The following FUBP3 variants were observed in gnomAD, a reference collection of about 807,000 sequenced individuals.
FUBP3 encodes the protein far upstream element binding protein 3.
FUBP3 carries 28 observed loss-of-function variants against 85.6 expected under a neutral mutation model. That is an observed-to-expected ratio of 0.33 (90% CI 0.24 to 0.45). The LOEUF (loss-of-function observed/expected upper bound fraction) is 0.45. FUBP3 is among the 20% of genes least tolerant of loss of function. FUBP3 has a pLI of 1.00. For synonymous variants in FUBP3, 271 were observed against 271.4 expected, an observed-to-expected ratio of 1.00 and a Z score of 0.01; for missense variants, 583 against 755.1, an observed-to-expected ratio of 0.77 and a Z score of 2.67.
In FUBP3 at chr9:130,593,153, C is replaced by T. The variant is rs548087657; in HGVS notation, c.85-2330C>T. Among the ~76,000 whole-genome samples the T allele has an allele frequency of 9.1e-4, 139 of 152,314 alleles. 2 individuals carry two copies. Among genetic ancestry groups the T allele is most frequent in the Middle Eastern group, 6.8e-3 (2 of 294 alleles). Reference sequence around the variant, plus strand: ...CACGTAGGACTCAGATGTCACTCCTCACAATGGCCTGCCCATTCACCCCAT... The same window carrying T: ...CACGTAGGACTCAGATGTCACTCCTTACAATGGCCTGCCCATTCACCCCAT... On this transcript the variant is annotated intron_variant, in intron 1 of 18. Coordinates refer to ENST00000319725, the MANE Select transcript of FUBP3 (RefSeq NM_003934.2).
At chr9:130,614,790 C>A (rs118058291) in intron 6 of FUBP3, among the ~76,000 whole-genome samples, 1 of 152,170 alleles carries the variant, frequency 6.6e-6, no homozygotes, top group Non-Finnish European at 1.5e-5. Flanking sequence ...ATCAACTCTT[C>A]GTGACTTTGC....
At chr9:130,618,375 G>T (rs1400605345) in intron 8 of FUBP3, among the ~76,000 whole-genome samples, 1 of 152,208 alleles carries the variant, frequency 6.6e-6, no homozygotes, top group Non-Finnish European at 1.5e-5. Context: ...GGCTTATTTT[G>T]CAAGCCCTTC....
chr9:130,604,304 G>A (rs1831311462), intron 2 of FUBP3, among the ~76,000 whole-genome samples: 1 of 152,192 alleles, frequency 6.6e-6, no homozygotes, highest in Admixed American at 6.5e-5. Context: ...AAGGAAACCA[G>A]TGTCTCTGAA....
chr9:130,636,453 C>T (rs200963435), intron 18 of FUBP3, among the ~76,000 whole-genome samples: 1 of 152,258 alleles, frequency 6.6e-6, no homozygotes, highest in Non-Finnish European at 1.5e-5. Flanking sequence ...GTTTCCCTAA[C>T]CGTAAAGGAG....
intron 1 of FUBP3, among the ~76,000 whole-genome samples, chr9:130,587,871 G>A (rs1830422540): frequency 6.6e-6 from 1 of 152,176 alleles, no homozygotes; most frequent in Non-Finnish European, 1.5e-5. Context: ...CTATTTAGAT[G>A]TAGTTTGTAA....
At position 130,612,386 on chromosome 9, in the gene FUBP3, G is replaced by C. The variant is rs1775271451; in HGVS notation, c.225-70G>C. 2.1e-6 allele frequency: 2 copies of C among 952,104 alleles called. No homozygotes were observed. Among genetic ancestry groups the C allele is most frequent in the Non-Finnish European group, 3.4e-6 (2 of 592,766 alleles). 59.0% of individuals were successfully genotyped at this position (952,104 alleles called of 1,614,324 possible). On this transcript the variant is annotated intron_variant, in intron 3 of 18. Transcript: ENST00000319725. This position sits in a 1 kb window ranked among gnomAD's most constrained non-coding sequence, Gnocchi z 4.1. ...TCATGCAACATTGCCAGTATGGGCAGTTTGGGGACCTAAAATGGCTGCAAA... is the reference window on the plus strand; with the variant it reads ...TCATGCAACATTGCCAGTATGGGCACTTTGGGGACCTAAAATGGCTGCAAA...
intron 1 of FUBP3, among the ~76,000 whole-genome samples, chr9:130,580,035 C>G (rs1269780707): frequency 6.6e-6 from 1 of 152,200 alleles, no homozygotes; most frequent in Non-Finnish European, 1.5e-5. Context: ...CGTGCCCCAG[C>G]GGCCAGCCTG....
At position 130,607,064 on chromosome 9, in the gene FUBP3, C is replaced by T. The variant is rs543935174; in HGVS notation, c.191-2890C>T. On this transcript the variant is annotated intron_variant, in intron 2 of 18. Coordinates refer to ENST00000319725, the MANE Select transcript of FUBP3 (RefSeq NM_003934.2). ...CAGCTCCCTGCAACTTCCACCTCCC[C>T]GGTTCATTGTGCATCAGCCTCCCGA... is the stretch of plus-strand genomic sequence containing the variant. Among the ~76,000 whole-genome samples, 141 of 152,160 alleles carry T rather than the reference C, an allele frequency of 9.3e-4. 2 individuals carry two copies. The highest frequency in any genetic ancestry group is 6.8e-3 in the Middle Eastern group (2 of 294).
chr9:130,581,212 A>G (rs1233251671), intron 1 of FUBP3: 1 of 152,250 alleles, frequency 6.6e-6, no homozygotes, highest in East Asian at 1.9e-4. Context: ...ATTTTGAACC[A>G]TTGAGAAGAC....
In FUBP3 at chr9:130,631,648, G is replaced by C. The variant is rs367814641; in HGVS notation, c.1352+18G>C. The C allele has an allele frequency of 6.3e-7, 1 of 1,589,702 alleles. No homozygotes were observed. The highest frequency in any genetic ancestry group is 1.1e-5 in the South Asian group (1 of 90,506). The stretch of plus-strand genomic sequence containing the variant: ...CATCAAAAGTGAGTCTTTTGCATCA[G>C]TCTTGCCTGGGAGAATTCACTCGCT... On this transcript the variant is annotated intron_variant, in intron 14 of 18. Transcript: ENST00000319725.
intron 11 of FUBP3, 86 bp from the exon 12 acceptor site, chr9:130,626,278 T>C (rs970353537): frequency 5.7e-6 from 8 of 1,407,712 alleles, no homozygotes; most frequent in Non-Finnish European, 7.7e-6. Flanking sequence ...GATTACATCC[T>C]GTCACTTAAC....
chr9:130,602,048 C>T (rs1482241966), intron 2 of FUBP3, among the ~76,000 whole-genome samples: 1 of 152,166 alleles, frequency 6.6e-6, no homozygotes, highest in East Asian at 1.9e-4. Context: ...GATCCACCTG[C>T]CTCGGCCTCC....
At chr9:130,623,820 C>G in intron 11 of FUBP3, 109 bp downstream of exon 11, 1 of 585,240 alleles carries the variant, frequency 1.7e-6, no homozygotes, top group South Asian at 2.3e-5. Flanking sequence ...CGTCTCAAGT[C>G]ACATTATGGG....
intron 7 of FUBP3, among the ~76,000 whole-genome samples, chr9:130,617,082 A>G (rs1434655472): frequency 2.0e-5 from 3 of 152,208 alleles, no homozygotes; most frequent in Non-Finnish European, 4.4e-5. Context: ...TCTCGGGACC[A>G]AACGGGTTTC....
intron 1 of FUBP3, among the ~76,000 whole-genome samples, chr9:130,594,302 G>T: frequency 6.6e-6 from 1 of 151,622 alleles, no homozygotes; most frequent in Non-Finnish European, 1.5e-5. Context: ...AAAAAAATAG[G>T]CCAGGCGCTG....
Position 130,634,754 on chromosome 9 carries a change from TCCTAA to T in FUBP3, c.1582+20_1582+24del. 1 of 1,601,574 alleles carries T rather than the reference TCCTAA, an allele frequency of 6.2e-7. No homozygotes were observed. The highest frequency in any genetic ancestry group is 8.5e-7 in the Non-Finnish European group (1 of 1,170,352). ...AAAAAACAGAGTGAGTGCCCGGCCC[TCCTAA>T]CCTGTGGCAGCACAGTCCCCTCCAG... On this transcript the variant is annotated intron_variant, in intron 17 of 18. Transcript: ENST00000319725.
At chr9:130,632,935 C>A (rs1422405145) in intron 16 of FUBP3, among the ~76,000 whole-genome samples, 1 of 152,382 alleles carries the variant, frequency 6.6e-6, no homozygotes, top group East Asian at 1.9e-4. Context: ...TAGTACGATC[C>A]ACGTTCTTTT....
Position 130,612,642 on chromosome 9 carries a change from A to C in FUBP3, c.274+137A>C. The stretch of plus-strand genomic sequence containing the variant: ...TATCACCTGTAGTAGAATGCTTTGC[A>C]CATGCCATTCCCCACAGCTCTGAAA... On this transcript the variant is annotated intron_variant, in intron 4 of 18. Coordinates refer to ENST00000319725, the MANE Select transcript of FUBP3 (RefSeq NM_003934.2). The surrounding 1 kb of genome is among the most constrained non-coding windows in gnomAD (Gnocchi z 4.1). 1 of 702,538 alleles carries C rather than the reference A, an allele frequency of 1.4e-6. No individual in the cohort carries two copies. The highest frequency in any genetic ancestry group is 2.5e-6 in the Non-Finnish European group (1 of 393,798). 43.5% of individuals were successfully genotyped at this position (702,538 alleles called of 1,614,324 possible). A position where few individuals can be genotyped will look rare whatever the true frequency, so the allele number is the denominator to read the frequency against.
At chr9:130,615,771 C>CT (rs1831973606) in intron 6 of FUBP3, among the ~76,000 whole-genome samples, 1 of 152,234 alleles carries the variant, frequency 6.6e-6, no homozygotes. Context: ...CCGCCTCCCC[C>CT]TTTCCCACCT....
Sources: allele counts gnomAD v4.1 joint callset (sites outside exome capture counted in the v4.1 genomes callset), GRCh38; gene constraint gnomAD v4.1.1; non-coding constraint Gnocchi (gnomAD v3.1); transcripts MANE v1.5; gene names NCBI Gene and HGNC (gene_info 2026-07-23, HGNC 2026-07-21).